CMTM8: variants seen among roughly 807,000 people sequenced by gnomAD.
CMTM8 encodes CKLF like MARVEL transmembrane domain containing 8, also known as CKLF-like MARVEL transmembrane domain-containing protein 8.
In CMTM8, 12 loss-of-function variants were observed where a neutral mutation model predicts 18.6. The ratio of observed to expected loss-of-function variants is 0.65; its 90% confidence interval spans 0.41 to 1.05. CMTM8 has a LOEUF of 1.05. Ranked by LOEUF, CMTM8 falls within the 50% of genes least tolerant of loss-of-function variation. The probability of loss-of-function intolerance (pLI) is 0.00; values close to 1 mark genes in which losing one functional copy is unlikely to be tolerated. For synonymous variants in CMTM8, 87 were observed against 90.6 expected, an observed-to-expected ratio of 0.96 and a Z score of 0.23; for missense variants, 217 against 227.2, an observed-to-expected ratio of 0.95 and a Z score of 0.29.
chr3:32,336,149 G>T (rs1465749814), intron 1 of CMTM8, among the ~76,000 whole-genome samples: 2 of 152,210 alleles, frequency 1.3e-5, no homozygotes, highest in Non-Finnish European at 2.9e-5. Context: ...AAGAGTAGCT[G>T]TGTGACTTTT....
intron 1 of CMTM8, among the ~76,000 whole-genome samples, chr3:32,250,590 T>C (rs973556911): frequency 1.3e-5 from 2 of 152,204 alleles, no homozygotes; most frequent in Admixed American, 6.5e-5. Context: ...TCAGTATACA[T>C]GTCTTGCCCT....
chr3:32,350,827 T>G (rs1388989401), intron 1 of CMTM8, among the ~76,000 whole-genome samples: 1 of 152,042 alleles, frequency 6.6e-6, no homozygotes, highest in Admixed American at 6.5e-5. Context: ...CAAGCCTAAT[T>G]TTTGTATTTT....
chr3:32,272,458 G>C (rs371750089), intron 1 of CMTM8, among the ~76,000 whole-genome samples: 1 of 152,032 alleles, frequency 6.6e-6, no homozygotes, highest in African/African-American at 2.4e-5. Context: ...ATGTGTGTTA[G>C]ATCCTTAGAC....
Position 32,238,810 on chromosome 3 carries a change from C to A in CMTM8, c.-163C>A, listed in dbSNP as rs1701903937. 4.8e-6 allele frequency: 2 copies of A among 417,036 alleles called. No individual in the cohort carries two copies. Among genetic ancestry groups the A allele is most frequent in the East Asian group, 8.9e-5 (2 of 22,578 alleles). The allele number at this position is 417,036 out of a possible 1,614,324, so 25.8% of individuals were successfully genotyped here. A position where few individuals can be genotyped will look rare whatever the true frequency, so the allele number is the denominator to read the frequency against. ...GCACCGCGCACTAGAGGGACACCCG[C>A]CGCGCCTGGACAGCCCCCGGCGGGC... On this transcript the variant is annotated 5_prime_UTR_variant, in exon 1 of 4. Coordinates refer to ENST00000307526, the MANE Select transcript of CMTM8 (RefSeq NM_178868.5).
chr3:32,297,610 C>T (rs966250012), intron 1 of CMTM8, among the ~76,000 whole-genome samples: 2 of 151,980 alleles, frequency 1.3e-5, no homozygotes, highest in Non-Finnish European at 2.9e-5. Context: ...TCTGGGGTGG[C>T]GCAGACACTC....
intron 1 of CMTM8, among the ~76,000 whole-genome samples, chr3:32,263,241 CT>C (rs1175987609): frequency 6.6e-6 from 1 of 152,186 alleles, no homozygotes; most frequent in African/African-American, 2.4e-5. Context: ...CTGGGTACCC[CT>C]CTGAGACAAA....
At chr3:32,324,695 G>A (rs1696121384) in intron 1 of CMTM8, among the ~76,000 whole-genome samples, 1 of 151,890 alleles carries the variant, frequency 6.6e-6, no homozygotes, top group African/African-American at 2.4e-5. Flanking sequence ...TGTAGAGGAG[G>A]CAGAATTACC....
chr3:32,316,335 C>G (rs1695930582), intron 1 of CMTM8, among the ~76,000 whole-genome samples: 1 of 152,144 alleles, frequency 6.6e-6, no homozygotes, highest in African/African-American at 2.4e-5. Context: ...CCAATTCCAC[C>G]TTTTTACTTT....
At chr3:32,322,471 C>A (rs1696075303) in intron 1 of CMTM8, among the ~76,000 whole-genome samples, 1 of 152,222 alleles carries the variant, frequency 6.6e-6, no homozygotes, top group Non-Finnish European at 1.5e-5. Flanking sequence ...GTAATCTCCT[C>A]ATGGACTGAT....
intron 1 of CMTM8, among the ~76,000 whole-genome samples, chr3:32,304,865 A>C (rs1329390780): frequency 6.6e-6 from 1 of 152,234 alleles, no homozygotes; most frequent in Non-Finnish European, 1.5e-5. Context: ...ACAGATTTAA[A>C]CTTTGTAAAT....
chr3:32,360,301 T>C (rs887272222), intron 2 of CMTM8, among the ~76,000 whole-genome samples: 1 of 152,254 alleles, frequency 6.6e-6, no homozygotes, highest in African/African-American at 2.4e-5. Context: ...TCTAGAAATC[T>C]GGGCTTTGGT....
At chr3:32,368,294 G>A (rs1442748586) in intron 3 of CMTM8, among the ~76,000 whole-genome samples, 1 of 152,090 alleles carries the variant, frequency 6.6e-6, no homozygotes, top group Non-Finnish European at 1.5e-5. Flanking sequence ...TTTAGTAAGT[G>A]GGGGAAGGTT....
chr3:32,249,229 GACT>G (rs1248120972), intron 1 of CMTM8, among the ~76,000 whole-genome samples: 2 of 151,566 alleles, frequency 1.3e-5, no homozygotes, highest in Non-Finnish European at 2.9e-5. Context: ...AGGAGTTCAA[GACT>G]AGCCTAGGCA....
chr3:32,368,382 A>G (rs1324349202), intron 3 of CMTM8, among the ~76,000 whole-genome samples: 1 of 152,094 alleles, frequency 6.6e-6, no homozygotes, highest in African/African-American at 2.4e-5. Flanking sequence ...GAATGCCTAG[A>G]AAAATATATA....
intron 1 of CMTM8, among the ~76,000 whole-genome samples, chr3:32,240,439 TG>T (rs1701933561): frequency 6.6e-6 from 1 of 152,210 alleles, no homozygotes; most frequent in African/African-American, 2.4e-5. Flanking sequence ...ATGAAGGAGT[TG>T]GCAGGCTCCT....
At chr3:32,355,849 C>G (rs1325842145) in intron 1 of CMTM8, among the ~76,000 whole-genome samples, 2 of 152,182 alleles carry the variant, frequency 1.3e-5, no homozygotes, top group African/African-American at 4.8e-5. Context: ...CACGCTGTGT[C>G]CTCTGCCTAT....
At chr3:32,294,395 C>T (rs1487547627) in intron 1 of CMTM8, among the ~76,000 whole-genome samples, 2 of 152,314 alleles carry the variant, frequency 1.3e-5, no homozygotes, top group African/African-American at 2.4e-5. Flanking sequence ...TTATGCTTTA[C>T]GCTGCATTTT....
At chr3:32,361,133 C>T (rs1696916402) in intron 2 of CMTM8, among the ~76,000 whole-genome samples, 1 of 152,130 alleles carries the variant, frequency 6.6e-6, no homozygotes, top group Non-Finnish European at 1.5e-5. Flanking sequence ...AGGCATGCGC[C>T]ACCACGCCCA....
chr3:32,256,900 T>A (rs1177563135), intron 1 of CMTM8, among the ~76,000 whole-genome samples: 2 of 152,214 alleles, frequency 1.3e-5, no homozygotes, highest in Non-Finnish European at 2.9e-5. Context: ...GGGCTTCAAA[T>A]CCACTCCTCT....
Sources: allele counts gnomAD v4.1 joint callset (sites outside exome capture counted in the v4.1 genomes callset), GRCh38; gene constraint gnomAD v4.1.1; transcripts MANE v1.5; gene names NCBI Gene and HGNC (gene_info 2026-07-23, HGNC 2026-07-21).